The following RPH3A variants were observed in gnomAD, a reference collection of about 807,000 sequenced individuals.
RPH3A encodes rabphilin-3A.
In RPH3A, 48 loss-of-function variants were observed where a neutral mutation model predicts 102.2. The observed-to-expected ratio is 0.47, with a 90% confidence interval of 0.37 to 0.60. RPH3A has a LOEUF of 0.60. RPH3A is among the 20% of genes least tolerant of loss of function. The pLI, the probability that RPH3A is intolerant of heterozygous loss-of-function variation, is 0.00. For synonymous variants in RPH3A, 310 were observed against 324.3 expected, an observed-to-expected ratio of 0.96 and a Z score of 0.47; for missense variants, 781 against 910.1, an observed-to-expected ratio of 0.86 and a Z score of 1.83.
At chr12:112,892,068 G>C (rs746203259) in intron 19 of RPH3A, among the ~76,000 whole-genome samples, 1 of 152,170 alleles carries the variant, frequency 6.6e-6, no homozygotes, top group African/African-American at 2.4e-5. Flanking sequence ...AAACAGAATC[G>C]AGCCTGGTAC....
chr12:112,804,635 C>G (rs533334820), intron 2 of RPH3A, among the ~76,000 whole-genome samples: 65 of 152,350 alleles, frequency 4.3e-4, no homozygotes, highest in African/African-American at 1.6e-3. Context: ...GCTCCCTGGG[C>G]TCACGTCTCC....
chr12:112,721,434 T>G (rs1358262284), intron 1 of RPH3A, among the ~76,000 whole-genome samples: 1 of 152,178 alleles, frequency 6.6e-6, no homozygotes, highest in Non-Finnish European at 1.5e-5. Flanking sequence ...TTACTCAGGA[T>G]AGCAATATTT....
At chr12:112,869,133 C>G (rs1440719005) in intron 8 of RPH3A, 1 of 153,126 alleles carries the variant, frequency 6.5e-6, no homozygotes, top group Non-Finnish European at 1.5e-5. Context: ...AGAAGCAAAA[C>G]AGTAAAAATT....
intron 19 of RPH3A, chr12:112,893,259 T>G (rs1396180409): frequency 6.6e-6 from 1 of 152,230 alleles, no homozygotes; most frequent in Non-Finnish European, 1.5e-5. Context: ...CTTCCCATTA[T>G]TTTTGCTTAG....
At chr12:112,816,881 T>C (rs2041681401) in intron 2 of RPH3A, among the ~76,000 whole-genome samples, 1 of 152,196 alleles carries the variant, frequency 6.6e-6, no homozygotes, top group South Asian at 2.1e-4. Context: ...GGATAGCTTC[T>C]ACTTGACAAC....
intron 1 of RPH3A, among the ~76,000 whole-genome samples, chr12:112,590,734 G>T (rs1274636709): frequency 6.6e-6 from 1 of 152,220 alleles, no homozygotes; most frequent in African/African-American, 2.4e-5. Context: ...TAAAATTCCA[G>T]ATTTCCACTT....
At chr12:112,673,987 G>A (rs1246613562) in intron 1 of RPH3A, among the ~76,000 whole-genome samples, 3 of 152,130 alleles carry the variant, frequency 2.0e-5, no homozygotes, top group Non-Finnish European at 4.4e-5. Flanking sequence ...TTAAACTCCT[G>A]GTTTCAAGCG....
At chr12:112,582,800 T>C (rs1221568680) in intron 1 of RPH3A, among the ~76,000 whole-genome samples, 1 of 152,212 alleles carries the variant, frequency 6.6e-6, no homozygotes, top group East Asian at 1.9e-4. Flanking sequence ...TGAGCGGTCA[T>C]GTCTGGATTT....
intron 1 of RPH3A, among the ~76,000 whole-genome samples, chr12:112,683,911 G>T (rs530290083): frequency 6.6e-6 from 1 of 152,134 alleles, no homozygotes; most frequent in South Asian, 2.1e-4. Flanking sequence ...TATTAATAAT[G>T]GTTCTAAGCT....
chr12:112,639,619 G>A (rs1045207654), intron 1 of RPH3A, among the ~76,000 whole-genome samples: 9 of 152,086 alleles, frequency 5.9e-5, no homozygotes, highest in Non-Finnish European at 1.3e-4. Flanking sequence ...TAACAAACCT[G>A]CACATGTACC....
intron 1 of RPH3A, among the ~76,000 whole-genome samples, chr12:112,721,744 A>G (rs2040552576): frequency 6.6e-6 from 1 of 152,108 alleles, no homozygotes; most frequent in South Asian, 2.1e-4. Context: ...TACTGTAGCA[A>G]TGGTAATTGC....
chr12:112,890,155 C>A, intron 18 of RPH3A, 75 bp downstream of exon 18: 1 of 1,310,592 alleles, frequency 7.6e-7, no homozygotes, highest in Non-Finnish European at 1.1e-6. Flanking sequence ...TCTTCTCTCC[C>A]TCCCTGGCCC....
At position 112,828,647 on chromosome 12, in the gene RPH3A, A is replaced by C. The variant is rs1046960175; in HGVS notation, c.71+258A>C. Reference sequence around the variant, plus strand: ...AGAGATAACTGACCTGGTGGTCAGAACCAGACTTGGGTTCTAGTTCTGGAT... The same window carrying C: ...AGAGATAACTGACCTGGTGGTCAGACCCAGACTTGGGTTCTAGTTCTGGAT... On this transcript the variant is annotated intron_variant, in intron 3 of 21. Transcript: ENST00000389385. 4.6e-5 allele frequency among the ~76,000 whole-genome samples: 7 copies of C among 152,318 alleles called. No individual in the cohort carries two copies. In the South Asian group the frequency reaches 1.2e-3, roughly 27 times the overall value.
At chr12:112,730,052 A>T (rs1211699517) in intron 1 of RPH3A, among the ~76,000 whole-genome samples, 1 of 152,178 alleles carries the variant, frequency 6.6e-6, no homozygotes, top group African/African-American at 2.4e-5. Flanking sequence ...TGTGAACATG[A>T]AGGCAGAGAT....
rs1566254603 is a variant in RPH3A at position 112,677,473 on chromosome 12, C to CCTTCCTTCCTTT, written c.-140+102165_-140+102166insTCTTCCTTCCTT. The stretch of plus-strand genomic sequence containing the variant: ...TCCTTCCTTCCTTCCTTCCTTCCTT[C>CCTTCCTTCCTTT]CTTCCTTCCTTCCCTCTTTCTCTTT... On this transcript the variant is annotated intron_variant, in intron 1 of 21. Transcript: ENST00000543106. 6.4e-5 allele frequency among the ~76,000 whole-genome samples: 9 copies of CCTTCCTTCCTTT among 140,160 alleles called. 1 individual carries two copies. The highest frequency in any genetic ancestry group is 2.3e-4 in the African/African-American group (8 of 35,440). 92.0% of individuals were successfully genotyped at this position (140,160 alleles called of 152,430 possible).
chr12:112,849,155 G>A (rs1174266389), intron 5 of RPH3A, among the ~76,000 whole-genome samples: 1 of 152,164 alleles, frequency 6.6e-6, no homozygotes, highest in African/African-American at 2.4e-5. Context: ...CTCTGGGGAT[G>A]CAGGAAGTGG....
At chr12:112,694,587 CAG>C (rs888296800) in intron 1 of RPH3A, among the ~76,000 whole-genome samples, 141 of 144,434 alleles carry the variant, frequency 9.8e-4, no homozygotes, top group Admixed American at 1.1e-3. Flanking sequence ...GAGAGAAAGG[CAG>C]AGAGAGAGAG....
chr12:112,798,200 T>A (rs1196149197), intron 2 of RPH3A, among the ~76,000 whole-genome samples: 1 of 152,204 alleles, frequency 6.6e-6, no homozygotes, highest in Non-Finnish European at 1.5e-5. Flanking sequence ...ATCCATCCAG[T>A]GAGCAAGATA....
In RPH3A at chr12:112,869,612, C is replaced by G. The variant is rs893204490; in HGVS notation, c.611-147C>G. Reference sequence around the variant, plus strand: ...GTGAAATTGTAAACAGGAGCTAGATCAAAGAGGAGGTTGGGAGAAAGACTT... The same window carrying G: ...GTGAAATTGTAAACAGGAGCTAGATGAAAGAGGAGGTTGGGAGAAAGACTT... On this transcript the variant is annotated intron_variant, in intron 8 of 21. Coordinates refer to ENST00000389385, the MANE Select transcript of RPH3A (RefSeq NM_001143854.2). 4.0e-6 allele frequency: 3 copies of G among 746,524 alleles called. No homozygotes were observed. The Admixed American group carries it at 8.4e-5, about 21-fold the overall frequency. 46.2% of individuals were successfully genotyped at this position (746,524 alleles called of 1,614,324 possible). A position where few individuals can be genotyped will look rare whatever the true frequency, so the allele number is the denominator to read the frequency against.
Sources: allele counts gnomAD v4.1 joint callset (sites outside exome capture counted in the v4.1 genomes callset), GRCh38; gene constraint gnomAD v4.1.1; transcripts MANE v1.5; gene names NCBI Gene and HGNC (gene_info 2026-07-23, HGNC 2026-07-21).